The following CATSPERT variants were observed in gnomAD, a reference collection of about 807,000 sequenced individuals.
The protein encoded by CATSPERT is catsper channel auxiliary subunit tau, also known as cation channel sperm-associated targeting subunit tau.
chr2:201,598,833 G>A, the CATSPERT span, among the ~76,000 whole-genome samples: 3 of 151,902 alleles, frequency 2.0e-5, no homozygotes, highest in Non-Finnish European at 2.9e-5. Flanking sequence ...TGCTCTCCTC[G>A]GCCTCCCAAA....
the CATSPERT span, among the ~76,000 whole-genome samples, chr2:201,533,517 G>T: frequency 6.6e-6 from 1 of 152,074 alleles, no homozygotes; most frequent in Non-Finnish European, 1.5e-5. Context: ...GTATGTAGGG[G>T]ACAGATGGTC....
At chr2:201,593,906 C>A in the CATSPERT span, among the ~76,000 whole-genome samples, 1 of 151,994 alleles carries the variant, frequency 6.6e-6, no homozygotes, top group South Asian at 2.1e-4. Flanking sequence ...GAATACAGCA[C>A]ACTGATGGGT....
chr2:201,578,314 C>A, the CATSPERT span, among the ~76,000 whole-genome samples: 1 of 152,000 alleles, frequency 6.6e-6, no homozygotes, highest in Non-Finnish European at 1.5e-5. Flanking sequence ...AATGCAAAAA[C>A]CTTGCATTAT....
chr2:201,615,097 A>C, the CATSPERT span, among the ~76,000 whole-genome samples: 1 of 152,180 alleles, frequency 6.6e-6, no homozygotes, highest in South Asian at 2.1e-4. Flanking sequence ...ACTCCCACAC[A>C]ATAATAATGG....
At chr2:201,529,948 C>G in the CATSPERT span, among the ~76,000 whole-genome samples, 1 of 152,008 alleles carries the variant, frequency 6.6e-6, no homozygotes, top group Non-Finnish European at 1.5e-5. Context: ...GGCAAAGGAA[C>G]TGAACAGACA....
chr2:201,561,270 A>G, the CATSPERT span, among the ~76,000 whole-genome samples: 1 of 152,266 alleles, frequency 6.6e-6, no homozygotes, highest in Non-Finnish European at 1.5e-5. Context: ...ATGAAACAGC[A>G]TAGATGAGTC....
chr2:201,552,661 A>G, the CATSPERT span, among the ~76,000 whole-genome samples: 3 of 152,214 alleles, frequency 2.0e-5, no homozygotes, highest in African/African-American at 7.2e-5. Flanking sequence ...AAAGTTATAT[A>G]TGGATTTTCC....
At chr2:201,542,792 C>G in the CATSPERT span, among the ~76,000 whole-genome samples, 1 of 152,008 alleles carries the variant, frequency 6.6e-6, no homozygotes, top group Non-Finnish European at 1.5e-5. Context: ...ATATATTCCC[C>G]CATTCTGTAG....
At chr2:201,489,006 A>C in the CATSPERT span, among the ~76,000 whole-genome samples, 3 of 152,180 alleles carry the variant, frequency 2.0e-5, no homozygotes. Flanking sequence ...GTGGAAGGGC[A>C]TGGAGACCCA....
At chr2:201,521,046 C>A in the CATSPERT span, among the ~76,000 whole-genome samples, 1 of 151,614 alleles carries the variant, frequency 6.6e-6, no homozygotes, top group Non-Finnish European at 1.5e-5. Context: ...CAAGATTGAA[C>A]CAAGAAGAAA....
the CATSPERT span, chr2:201,494,186 T>G: frequency 6.5e-7 from 1 of 1,534,270 alleles, no homozygotes; most frequent in South Asian, 1.2e-5. Flanking sequence ...TCCATACTAC[T>G]TGATGATTTA....
At chr2:201,491,220 C>G in the CATSPERT span, 1 of 1,537,712 alleles carries the variant, frequency 6.5e-7, no homozygotes. Context: ...GAACAGACTT[C>G]TTTAGGTGAA....
the CATSPERT span, among the ~76,000 whole-genome samples, chr2:201,615,572 T>C: frequency 6.6e-6 from 1 of 152,192 alleles, no homozygotes; most frequent in Non-Finnish European, 1.5e-5. Flanking sequence ...TAGAAGGAAA[T>C]TTATAGCACT....
the CATSPERT span, among the ~76,000 whole-genome samples, chr2:201,536,508 T>C: frequency 1.3e-5 from 2 of 151,930 alleles, no homozygotes; most frequent in African/African-American, 4.8e-5. Flanking sequence ...AACCATGGAC[T>C]GTAGAATACT....
At chr2:201,616,077 C>A in the CATSPERT span, among the ~76,000 whole-genome samples, 11 of 152,276 alleles carry the variant, frequency 7.2e-5, no homozygotes, top group Non-Finnish European at 1.5e-4. Flanking sequence ...AGCCTACCAA[C>A]CAAAAAAACT....
chr2:201,549,264 G>A, the CATSPERT span, among the ~76,000 whole-genome samples: 1 of 151,848 alleles, frequency 6.6e-6, no homozygotes, highest in Non-Finnish European at 1.5e-5. Context: ...GTCCACTACA[G>A]GTCACTGCCC....
chr2:201,544,529 C>T, the CATSPERT span, among the ~76,000 whole-genome samples: 1 of 135,406 alleles, frequency 7.4e-6, no homozygotes, highest in African/African-American at 2.7e-5. Flanking sequence ...TCTTCCTCTG[C>T]CACACTTTCT....
At chr2:201,592,042 G>A in the CATSPERT span, among the ~76,000 whole-genome samples, 1 of 152,126 alleles carries the variant, frequency 6.6e-6, no homozygotes, top group African/African-American at 2.4e-5. Context: ...AGTGGTGAGA[G>A]AGGGCAACCC....
chr2:201,563,112 C>G, the CATSPERT span, among the ~76,000 whole-genome samples: 1 of 146,942 alleles, frequency 6.8e-6, no homozygotes, highest in African/African-American at 2.5e-5. Flanking sequence ...GCGCCCCTCA[C>G]CTCCCGGATG....
Sources: gnomAD v4.1 joint callset for allele counts (sites outside exome capture counted in the v4.1 genomes callset) on GRCh38, gnomAD v4.1.1 for gene constraint, MANE v1.5 for transcripts, NCBI Gene and HGNC (gene_info 2026-07-23, HGNC 2026-07-21) for gene names.